Variants in VGLL4 observed in about 807,000 individuals in gnomAD.
The protein encoded by VGLL4 is transcription cofactor vestigial-like protein 4.
VGLL4 carries 7 observed loss-of-function variants against 21.0 expected under a neutral mutation model. The observed-to-expected ratio is 0.33, with a 90% CI of 0.19 to 0.63. VGLL4 has a LOEUF of 0.63. Among genes scored for constraint, VGLL4 ranks in the 20% least tolerant of loss-of-function variants. The pLI is 0.78. For synonymous variants in VGLL4, 222 were observed against 173.2 expected (o/e 1.28, Z -2.21); for missense variants, 394 against 425.7 (o/e 0.93, Z 0.66).
chr3:11,628,647 C>G (rs187395029), intron 1 of VGLL4, among the ~76,000 whole-genome samples: 2,733 of 151,670 alleles, frequency 0.018, 82 homozygotes, highest in African/African-American at 0.063. Context: ...GGTGAAACCC[C>G]GTCTCTACTA....
intron 2 of VGLL4, among the ~76,000 whole-genome samples, chr3:11,658,533 G>A (rs190047325): frequency 1.3e-3 from 191 of 150,844 alleles, no homozygotes; most frequent in Non-Finnish European, 1.8e-3. Flanking sequence ...ACAGATCACT[G>A]CAATATGTTT....
intron 1 of VGLL4, among the ~76,000 whole-genome samples, chr3:11,638,649 G>T (rs367638710): frequency 6.6e-6 from 1 of 152,122 alleles, no homozygotes; most frequent in East Asian, 1.9e-4. Context: ...GTTCTACCTC[G>T]GAATACATCC....
chr3:11,559,778 A>G (rs865965522), intron 3 of VGLL4, among the ~76,000 whole-genome samples: 2 of 152,124 alleles, frequency 1.3e-5, no homozygotes, highest in Non-Finnish European at 2.9e-5. Context: ...TGGAGGACAG[A>G]GGGTTGCAGG....
At chr3:11,644,286 CAT>C (rs139593978), upstream of VGLL4, among the ~76,000 whole-genome samples, 12 of 149,932 alleles carry the variant, frequency 8.0e-5, no homozygotes, top group Non-Finnish European at 1.0e-4. Context: ...ATGCATAAGC[CAT>C]ATATATATAT....
chr3:11,582,615 G>T (rs544104845), intron 2 of VGLL4, among the ~76,000 whole-genome samples: 4 of 152,308 alleles, frequency 2.6e-5, no homozygotes, highest in African/African-American at 9.6e-5. Flanking sequence ...TACAGCACGC[G>T]ATTTCCTCTT....
intron 2 of VGLL4, among the ~76,000 whole-genome samples, chr3:11,570,347 G>A (rs1012454178): frequency 2.0e-5 from 3 of 152,064 alleles, no homozygotes; most frequent in African/African-American, 7.2e-5. Context: ...AGAGACACAG[G>A]AAAGGAGCAG....
intron 2 of VGLL4, among the ~76,000 whole-genome samples, chr3:11,593,062 C>T (rs531813713): frequency 2.4e-4 from 36 of 152,322 alleles, no homozygotes; most frequent in African/African-American, 7.9e-4. Flanking sequence ...TTACTGTTTA[C>T]GACGTCCCAG....
chr3:11,612,462 G>C (rs897591140), intron 1 of VGLL4: 3 of 152,196 alleles, frequency 2.0e-5, no homozygotes, highest in African/African-American at 7.2e-5. Flanking sequence ...TCAGATCTAG[G>C]TTTGAGGTTG....
intron 2 of VGLL4, among the ~76,000 whole-genome samples, chr3:11,672,266 T>C (rs1190026306): frequency 1.3e-5 from 2 of 152,238 alleles, no homozygotes; most frequent in Non-Finnish European, 2.9e-5. Context: ...CAATTTCAAA[T>C]GAATTCACAA....
At chr3:11,654,212 A>C (rs774226441) in intron 2 of VGLL4, among the ~76,000 whole-genome samples, 5 of 152,244 alleles carry the variant, frequency 3.3e-5, no homozygotes, top group Non-Finnish European at 7.3e-5. Flanking sequence ...TCTCTGATAC[A>C]GCACAAGAGG....
intron 2 of VGLL4, among the ~76,000 whole-genome samples, chr3:11,690,016 C>T (rs1041681226): frequency 6.6e-6 from 1 of 152,192 alleles, no homozygotes; most frequent in Non-Finnish European, 1.5e-5. Context: ...CCAACACCCC[C>T]TCAAGGATCC....
chr3:11,692,268 A>T (rs2125393894), intron 2 of VGLL4, among the ~76,000 whole-genome samples: 1 of 152,296 alleles, frequency 6.6e-6, no homozygotes, highest in South Asian at 2.1e-4. Context: ...TATTATGCTA[A>T]TTTGATCTGA....
At chr3:11,659,385 G>A (rs907764691) in intron 2 of VGLL4, among the ~76,000 whole-genome samples, 4 of 125,436 alleles carry the variant, frequency 3.2e-5, no homozygotes, top group African/African-American at 1.2e-4. Context: ...AGGCTGGAGT[G>A]CAATGGTGTG....
chr3:11,565,234 G>A lies in VGLL4; in HGVS notation c.273-215C>T, dbSNP rs781043951. Among the ~76,000 whole-genome samples the A allele has an allele frequency of 2.2e-4, 33 of 152,266 alleles. No individual in the cohort carries two copies. Among genetic ancestry groups the A allele is most frequent in the Non-Finnish European group, 3.5e-4 (24 of 68,026 alleles). On this transcript the variant is annotated intron_variant, in intron 2 of 4. Transcript: ENST00000430365. The surrounding 1 kb of genome is among the most constrained non-coding windows in gnomAD (Gnocchi z 4.1). ...GAAGCTGCTGCCAGCGGAGTCCAAA[G>A]TCAGCTCCATAGAAGATGGAGCCCC...
intron 2 of VGLL4, among the ~76,000 whole-genome samples, chr3:11,654,443 A>C (rs2075926111): frequency 6.6e-6 from 1 of 152,214 alleles, no homozygotes; most frequent in Non-Finnish European, 1.5e-5. Context: ...TGGGACCAGA[A>C]GCTGTGATTT....
At chr3:11,651,606 G>A (rs1037724550) in intron 2 of VGLL4, among the ~76,000 whole-genome samples, 2 of 150,982 alleles carry the variant, frequency 1.3e-5, no homozygotes, top group African/African-American at 4.9e-5. Flanking sequence ...TAGTTTCTGT[G>A]TCTGTCCCCT....
intron 1 of VGLL4, among the ~76,000 whole-genome samples, chr3:11,623,153 G>C (rs2574714): frequency 0.047 from 7,227 of 152,154 alleles, 249 homozygotes; most frequent in South Asian, 0.15. Flanking sequence ...CAGAATCAAA[G>C]CCCCTCACTA....
At chr3:11,582,856 T>C (rs910305216) in intron 2 of VGLL4, among the ~76,000 whole-genome samples, 11 of 152,122 alleles carry the variant, frequency 7.2e-5, no homozygotes, top group African/African-American at 2.7e-4. Flanking sequence ...AGGAAGCAAC[T>C]TCCTTCTGCC....
chr3:11,575,443 G>A (rs1343076538), intron 2 of VGLL4, among the ~76,000 whole-genome samples: 1 of 152,180 alleles, frequency 6.6e-6, no homozygotes, highest in Non-Finnish European at 1.5e-5. Context: ...AATGTGCATC[G>A]TGTGTGAGTC....
Sources: allele counts gnomAD v4.1 joint callset (sites outside exome capture counted in the v4.1 genomes callset), GRCh38; gene constraint gnomAD v4.1.1; non-coding constraint Gnocchi (gnomAD v3.1); transcripts MANE v1.5; gene names NCBI Gene and HGNC (gene_info 2026-07-23, HGNC 2026-07-21).